The following PLA1A variants were observed in gnomAD, a reference collection of about 807,000 sequenced individuals.
PLA1A encodes phospholipase A1 member A, also known as phosphatidylserine-specific phospholipase A1alpha.
PLA1A carries 47 observed loss-of-function variants against 49.4 expected under a neutral mutation model. That is an observed-to-expected ratio of 0.95 (90% confidence interval 0.75 to 1.21). The LOEUF is 1.21. Among genes scored for constraint, PLA1A ranks in the 50% most tolerant of loss-of-function variants. PLA1A has a pLI of 0.00. For missense variants in PLA1A, 561 were observed against 563.9 expected, an observed-to-expected ratio of 0.99 and a Z score of 0.05; for synonymous variants, 224 against 207.9, an observed-to-expected ratio of 1.08 and a Z score of -0.67.
At chr3:119,606,653 T>A (rs909860895) in intron 1 of PLA1A, 121 bp from the exon 2 acceptor site, 2 of 650,916 alleles carry the variant, frequency 3.1e-6, no homozygotes, top group Non-Finnish European at 5.3e-6. Context: ...CTAGCTGATG[T>A]ATAATAAACC....
chr3:119,608,508 A>T (rs2082724451), intron 2 of PLA1A, among the ~76,000 whole-genome samples: 1 of 152,180 alleles, frequency 6.6e-6, no homozygotes, highest in Non-Finnish European at 1.5e-5. Context: ...TAAGTTCTGA[A>T]CCCTAGCATG....
chr3:119,619,910 TC>T (rs1009737794), intron 8 of PLA1A, among the ~76,000 whole-genome samples: 9 of 152,312 alleles, frequency 5.9e-5, no homozygotes, highest in African/African-American at 2.2e-4. Context: ...TAGTGGGTCT[TC>T]TCTCTCGAGT....
intron 8 of PLA1A, among the ~76,000 whole-genome samples, chr3:119,620,793 C>T (rs2082918529): frequency 6.6e-6 from 1 of 152,208 alleles, no homozygotes; most frequent in Non-Finnish European, 1.5e-5. Flanking sequence ...ACAGAGTCAA[C>T]TGTGGGCTTT....
intron 1 of PLA1A, among the ~76,000 whole-genome samples, chr3:119,604,424 T>A (rs776914469): frequency 7.9e-5 from 12 of 152,296 alleles, no homozygotes; most frequent in Middle Eastern, 6.8e-3. Flanking sequence ...GGAATACTAT[T>A]CAGCCTTTAA....
chr3:119,629,127 C>T (rs1360153523), intron 10 of PLA1A, among the ~76,000 whole-genome samples: 1 of 152,192 alleles, frequency 6.6e-6, no homozygotes, highest in Non-Finnish European at 1.5e-5. Context: ...ATTTTCTCCT[C>T]TGTGGCCTCC....
intron 2 of PLA1A, among the ~76,000 whole-genome samples, chr3:119,608,248 GAAAGA>G (rs1560078850): frequency 1.3e-5 from 1 of 78,776 alleles, no homozygotes; most frequent in Non-Finnish European, 3.2e-5. Context: ...AAGAGAGAAA[GAAAGA>G]AAGAAAGAAA....
intron 9 of PLA1A, 93 bp from the exon 10 acceptor site, chr3:119,628,608 C>T (rs1027052784): frequency 8.6e-7 from 1 of 1,158,186 alleles, no homozygotes; most frequent in Non-Finnish European, 1.3e-6. Context: ...GACAGCCAAC[C>T]AGTGCCACCA....
chr3:119,604,679 TAAAA>T (rs1243984219), intron 1 of PLA1A, among the ~76,000 whole-genome samples: 6 of 152,096 alleles, frequency 3.9e-5, no homozygotes, highest in Admixed American at 3.9e-4. Flanking sequence ...ACTGTACACT[TAAAA>T]AAGGTAAAGA....
chr3:119,602,340 GA>G lies in PLA1A; in HGVS notation c.73+4355del, dbSNP rs376736122. On this transcript the variant is annotated intron_variant, in intron 1 of 10. Coordinates refer to ENST00000273371, the MANE Select transcript of PLA1A (RefSeq NM_015900.4). Reference sequence around the variant, plus strand: ...TCCTTTATGCTATAGTTTTACATTTGATTTTCTGTTTTTCCTTTCTTGACTA... The same window carrying G: ...TCCTTTATGCTATAGTTTTACATTTGTTTTCTGTTTTTCCTTTCTTGACTA... Among the ~76,000 whole-genome samples the G allele has an allele frequency of 4.3e-4, 65 of 152,110 alleles. 1 individual carries two copies. Among genetic ancestry groups the G allele is most frequent in the African/African-American group, 1.4e-3 (59 of 41,502 alleles).
At chr3:119,629,087 T>A (rs2052588125) in intron 10 of PLA1A, among the ~76,000 whole-genome samples, 1 of 152,226 alleles carries the variant, frequency 6.6e-6, no homozygotes, top group Admixed American at 6.5e-5. Flanking sequence ...CTATGTAAGA[T>A]TTTATTAGAA....
At chr3:119,619,479 G>A in intron 7 of PLA1A, 84 bp from the exon 8 acceptor site, 4 of 838,124 alleles carry the variant, frequency 4.8e-6, no homozygotes, top group Non-Finnish European at 8.1e-6. Context: ...ATGGGTGCAT[G>A]AATTAATAAA....
At chr3:119,627,606 G>A (rs2052560719) in intron 9 of PLA1A, among the ~76,000 whole-genome samples, 2 of 149,020 alleles carry the variant, frequency 1.3e-5, no homozygotes, top group Admixed American at 1.3e-4. Context: ...AAACCCAGTT[G>A]GCAAGGGTGG....
chr3:119,626,374 C>T (rs796448628), intron 9 of PLA1A, among the ~76,000 whole-genome samples: 1 of 152,176 alleles, frequency 6.6e-6, no homozygotes, highest in African/African-American at 2.4e-5. Flanking sequence ...AATGAGTGAG[C>T]AATGCCCTGA....
At chr3:119,618,750 C>T (rs1162419754) in intron 7 of PLA1A, among the ~76,000 whole-genome samples, 1 of 138,874 alleles carries the variant, frequency 7.2e-6, no homozygotes, top group Non-Finnish European at 1.6e-5. Context: ...TATGCATATC[C>T]CGTGGTTATC....
intron 1 of PLA1A, among the ~76,000 whole-genome samples, 186 bp downstream of exon 1, chr3:119,598,172 A>C (rs2082567178): frequency 6.6e-6 from 1 of 152,214 alleles, no homozygotes; most frequent in Non-Finnish European, 1.5e-5. Context: ...AACAGGTCAC[A>C]AAACCTGAAC....
rs763094806 is a variant in PLA1A, at chr3:119,608,856, G to C, written c.362G>C (p.Trp121Ser). The change falls in exon 3 of 11, where the codon TGG (tryptophan) becomes TCG (serine). Residue 121 changes from tryptophan (W) to serine (S), a missense_variant. By Grantham distance (177) the Trp-to-Ser change is radical. Transcript: ENST00000273371. ...AATGCTAATGTGATTGCCGTGGACT[G>C]GATTTATGGGTCTACAGGAGTCTAC... is the stretch of plus-strand genomic sequence containing the variant. ...ATNANVIAVD[W>S]IYGSTGVYFS... The C allele has an allele frequency of 6.2e-7, 1 of 1,613,530 alleles. No individual in the cohort carries two copies. Among genetic ancestry groups the C allele is most frequent in the African/African-American group, 1.3e-5 (1 of 75,018 alleles).
chr3:119,623,786 A>C (rs1280326976), intron 8 of PLA1A, among the ~76,000 whole-genome samples: 5 of 136,992 alleles, frequency 3.6e-5, no homozygotes, highest in Non-Finnish European at 4.5e-5. Context: ...ATGCAACGGC[A>C]CCATCTCGGC....
chr3:119,619,327 C>T (rs1376721231), intron 7 of PLA1A, among the ~76,000 whole-genome samples: 1 of 152,180 alleles, frequency 6.6e-6, no homozygotes, highest in Admixed American at 6.5e-5. Context: ...AATAACCTGC[C>T]AAGAATGAGT....
At chr3:119,622,149 GGAAGAA>G (rs59447645) in intron 8 of PLA1A, among the ~76,000 whole-genome samples, 8,823 of 125,880 alleles carry the variant, frequency 0.07, 314 homozygotes, top group Admixed American at 0.083. Context: ...AGGAGGAGGA[GGAAGAA>G]GAAGAAGAAG....
Sources: allele counts gnomAD v4.1 joint callset (sites outside exome capture counted in the v4.1 genomes callset), GRCh38; gene constraint gnomAD v4.1.1; transcripts MANE v1.5; gene names NCBI Gene and HGNC (gene_info 2026-07-23, HGNC 2026-07-21).